ABR: variants seen among roughly 807,000 people sequenced by gnomAD.
ABR encodes the protein active breakpoint cluster region-related protein.
Under a neutral mutation model 107.2 loss-of-function variants are expected in ABR, and 35 were observed. The ratio of observed to expected loss-of-function variants is 0.33; its 90% CI spans 0.25 to 0.43. ABR has a LOEUF of 0.43. Ranked by LOEUF, ABR falls within the 20% of genes least tolerant of loss-of-function variation. ABR has a pLI of 1.00. For missense variants in ABR, 815 were observed against 1,115.2 expected (o/e 0.73, Z 3.83); for synonymous variants, 498 against 462.0 (o/e 1.08, Z -1.00).
chr17:1,011,741 GCCT>G lies in ABR; in HGVS notation c.2101+102_2101+104del. The G allele has an allele frequency of 7.1e-7, 1 of 1,403,622 alleles. No homozygotes were observed. The highest frequency in any genetic ancestry group is 1.6e-5 in the South Asian group (1 of 63,328). 86.9% of individuals were successfully genotyped at this position (1,403,622 alleles called of 1,614,324 possible). On this transcript the variant is annotated intron_variant, in intron 19 of 22. Coordinates refer to ENST00000302538, the MANE Select transcript of ABR (RefSeq NM_021962.5). This position sits in a 1 kb window ranked among gnomAD's most constrained non-coding sequence, Gnocchi z 4.8. ...CCACGGGGACTCTGAAGCAGAGCAA[GCCT>G]CCTCTCCAGGGAGGCTCCTGGTTCC...
rs2039027087 is a variant in ABR, at chr17:1,117,086, TC to T, written c.246+8096del. 1.2e-3 allele frequency among the ~76,000 whole-genome samples: 184 copies of T among 151,906 alleles called. 79 individuals are homozygous for T. The highest frequency in any genetic ancestry group is 3.5e-3 in the East Asian group (18 of 5,166). ...AAGAAAGGGAAGAAGAGGCTGCAGT[TC>T]CTCCCAGCGTTATCCCTGAGCCTGA... On this transcript the variant is annotated intron_variant, in intron 2 of 22. Transcript: ENST00000302538.
intron 16 of ABR, among the ~76,000 whole-genome samples, chr17:1,024,564 T>A (rs1339066931): frequency 6.6e-6 from 1 of 152,052 alleles, no homozygotes; most frequent in Non-Finnish European, 1.5e-5. Context: ...GGCAGGTGGA[T>A]CCACTGAAGC....
At chr17:1,031,513 TCAGCCCCCG>T (rs201716920) in intron 16 of ABR, 55,050 of 441,386 alleles carry the variant, frequency 0.12, 10,434 homozygotes, top group Admixed American at 0.4. Context: ...CGGGACCCCA[TCAGCCCCCG>T]CAGCCCCCGC....
intron 2 of ABR, among the ~76,000 whole-genome samples, chr17:1,112,333 C>T (rs1049202615): frequency 3.9e-5 from 6 of 152,198 alleles, no homozygotes; most frequent in South Asian, 2.1e-4. Context: ...GTGGCACTAA[C>T]GCTGCCTGAG....
intron 1 of ABR, among the ~76,000 whole-genome samples, chr17:1,198,695 A>G (rs2042615115): frequency 6.7e-6 from 1 of 149,996 alleles, no homozygotes; most frequent in Admixed American, 6.6e-5. Flanking sequence ...GAGTGTAGTG[A>G]TGCCATCTCG....
rs968119143 is a variant in ABR at position 1,148,428 on chromosome 17, C to G, written c.62-23061G>C. The stretch of plus-strand genomic sequence containing the variant: ...AAAGTAGGAGGGTGGTGGCCAGGAG[C>G]TGGGGGCTGGAGAAACGGGGAGCTG... On this transcript the variant is annotated intron_variant, in intron 1 of 22. Coordinates refer to ENST00000302538, the MANE Select transcript of ABR (RefSeq NM_021962.5). The surrounding 1 kb of genome is among the most constrained non-coding windows in gnomAD (Gnocchi z 4.9). 6.6e-6 allele frequency among the ~76,000 whole-genome samples: 1 copy of G among 152,136 alleles called. No homozygotes were observed. Among genetic ancestry groups the G allele is most frequent in the Non-Finnish European group, 1.5e-5 (1 of 68,018 alleles).
At chr17:1,061,561 GA>G (rs1029625722) in intron 10 of ABR, among the ~76,000 whole-genome samples, 7 of 17,194 alleles carry the variant, frequency 4.1e-4, no homozygotes, top group Admixed American at 3.3e-3. Context: ...TTTTTTTTTT[GA>G]GATGGAGTCC....
intron 1 of ABR, among the ~76,000 whole-genome samples, chr17:1,168,795 C>G (rs1190529832): frequency 6.6e-6 from 1 of 152,212 alleles, no homozygotes; most frequent in African/African-American, 2.4e-5. Context: ...TCCTGACAGC[C>G]AATGTGCGTT....
chr17:1,122,582 C>G (rs1172379223), intron 2 of ABR, among the ~76,000 whole-genome samples: 1 of 152,234 alleles, frequency 6.6e-6, no homozygotes. Flanking sequence ...CTCGAGTCCA[C>G]TGGCTTATGA....
Position 1,004,135 on chromosome 17 carries a change from C to T in ABR, c.*1945G>A, listed in dbSNP as rs1264488649. 25 of 152,230 alleles carry T rather than the reference C, an allele frequency of 1.6e-4. No homozygotes were observed. Among genetic ancestry groups the T allele is most frequent in the Admixed American group, 9.8e-4 (15 of 15,280 alleles). 9.4% of individuals were successfully genotyped at this position (152,230 alleles called of 1,614,324 possible). A position where few individuals can be genotyped will look rare whatever the true frequency, so the allele number is the denominator to read the frequency against. Reference sequence around the variant, plus strand: ...CCCTTCCTGTCCATCACTTTGGAAGCAAGCAGGAGCCTTCTGTGCCACACA... The same window carrying T: ...CCCTTCCTGTCCATCACTTTGGAAGTAAGCAGGAGCCTTCTGTGCCACACA... On this transcript the variant is annotated 3_prime_UTR_variant, in exon 23 of 23. Transcript: ENST00000302538.
At chr17:1,195,686 C>T (rs1163658287) in intron 1 of ABR, among the ~76,000 whole-genome samples, 1 of 151,314 alleles carries the variant, frequency 6.6e-6, no homozygotes, top group Non-Finnish European at 1.5e-5. Context: ...CGCCTGTAGT[C>T]CCAGCTACAC....
At chr17:1,133,965 T>C (rs564391207) in intron 1 of ABR, among the ~76,000 whole-genome samples, 2 of 152,206 alleles carry the variant, frequency 1.3e-5, no homozygotes, top group Non-Finnish European at 2.9e-5. Context: ...GTGGCTTTAC[T>C]GCTGCCACCA....
chr17:1,215,279 C>G (rs1289050007), intron 1 of ABR, among the ~76,000 whole-genome samples: 2 of 151,906 alleles, frequency 1.3e-5, no homozygotes, highest in African/African-American at 4.8e-5. Context: ...CGGTCTCCCT[C>G]TGATGCCGAG....
intron 9 of ABR, among the ~76,000 whole-genome samples, chr17:1,069,030 G>C (rs1328254092): frequency 6.6e-6 from 1 of 152,218 alleles, no homozygotes; most frequent in Admixed American, 6.5e-5. Context: ...AATAAAAGGA[G>C]AATGCTTAAG....
At chr17:1,091,899 A>G in intron 3 of ABR, 49 bp from the exon 4 acceptor site, 1 of 1,564,784 alleles carries the variant, frequency 6.4e-7, no homozygotes, top group Non-Finnish European at 8.7e-7. Flanking sequence ...TAAACAAACC[A>G]GAGTGTCGGC....
chr17:1,031,225 C>T (rs1239762294), intron 16 of ABR, among the ~76,000 whole-genome samples: 1 of 152,192 alleles, frequency 6.6e-6, no homozygotes, highest in African/African-American at 2.4e-5. Context: ...GGGCAGCCAG[C>T]AAGGCCCGCT....
At chr17:1,012,523 C>T (rs1468463923) in intron 18 of ABR, 165 bp downstream of exon 18, 8 of 700,250 alleles carry the variant, frequency 1.1e-5, no homozygotes, top group African/African-American at 3.6e-5. Flanking sequence ...GTCCTGTGAG[C>T]GCCTCTGCGG....
chr17:1,169,378 C>G (rs922813385), intron 1 of ABR, among the ~76,000 whole-genome samples: 2 of 152,264 alleles, frequency 1.3e-5, no homozygotes, highest in Non-Finnish European at 2.9e-5. Flanking sequence ...AACGCTCGCT[C>G]TACTCTTGCA....
intron 1 of ABR, among the ~76,000 whole-genome samples, chr17:1,165,714 G>C (rs191153593): frequency 6.6e-6 from 1 of 152,182 alleles, no homozygotes; most frequent in Non-Finnish European, 1.5e-5. Flanking sequence ...GTATATTTTA[G>C]TAGAGACGGG....
Sources: allele counts gnomAD v4.1 joint callset (sites outside exome capture counted in the v4.1 genomes callset), GRCh38; gene constraint gnomAD v4.1.1; non-coding constraint Gnocchi (gnomAD v3.1); transcripts MANE v1.5; gene names NCBI Gene and HGNC (gene_info 2026-07-23, HGNC 2026-07-21).